The following EFNA5 variants were observed in gnomAD, a reference collection of about 807,000 sequenced individuals.
The protein encoded by EFNA5 is ephrin-A5.
EFNA5 carries 5 observed loss-of-function variants against 22.9 expected under a neutral mutation model. That is an observed-to-expected ratio of 0.22 (90% CI 0.11 to 0.46). EFNA5 has a LOEUF of 0.46. EFNA5 is among the 20% of genes least tolerant of loss of function. EFNA5 has a pLI of 0.99. For synonymous variants in EFNA5, 113 were observed against 112.2 expected (o/e 1.01, Z -0.04); for missense variants, 237 against 293.3 (o/e 0.81, Z 1.40).
chr5:107,651,348 AG>A (rs1561460486), intron 1 of EFNA5, among the ~76,000 whole-genome samples: 2 of 152,168 alleles, frequency 1.3e-5, no homozygotes. Context: ...AATAAATGGG[AG>A]CTATTCAAGT....
intron 1 of EFNA5, among the ~76,000 whole-genome samples, chr5:107,639,439 C>A (rs887968405): frequency 6.6e-6 from 1 of 152,194 alleles, no homozygotes; most frequent in African/African-American, 2.4e-5. Context: ...TCTCTCAATG[C>A]CTTGGTATCC....
At chr5:107,597,734 GA>G (rs1190299966) in intron 1 of EFNA5, among the ~76,000 whole-genome samples, 1 of 152,088 alleles carries the variant, frequency 6.6e-6, no homozygotes, top group African/African-American at 2.4e-5. Flanking sequence ...ATAACAAGAT[GA>G]ATTTCAACAG....
chr5:107,655,724 G>A (rs1222991998), intron 1 of EFNA5, among the ~76,000 whole-genome samples: 2 of 152,094 alleles, frequency 1.3e-5, no homozygotes, highest in Non-Finnish European at 2.9e-5. Flanking sequence ...TATAAACATA[G>A]GAAGTAAAAT....
intron 2 of EFNA5, among the ~76,000 whole-genome samples, chr5:107,392,915 G>A (rs1026329263): frequency 6.6e-6 from 1 of 152,236 alleles, no homozygotes; most frequent in African/African-American, 2.4e-5. Context: ...ATAAGCTGCT[G>A]TTGAAGAAAT....
chr5:107,570,684 ATAG>A (rs1165918242), intron 1 of EFNA5, among the ~76,000 whole-genome samples: 1 of 152,130 alleles, frequency 6.6e-6, no homozygotes, highest in African/African-American at 2.4e-5. Flanking sequence ...AATGATTCTA[ATAG>A]TAGAAAAAGA....
At chr5:107,517,322 G>C (rs1334372236) in intron 1 of EFNA5, among the ~76,000 whole-genome samples, 1 of 152,164 alleles carries the variant, frequency 6.6e-6, no homozygotes, top group Non-Finnish European at 1.5e-5. Flanking sequence ...TGGTGACTCA[G>C]GAGAGGGTTA....
At chr5:107,591,009 T>C (rs1189238856) in intron 1 of EFNA5, among the ~76,000 whole-genome samples, 1 of 152,162 alleles carries the variant, frequency 6.6e-6, no homozygotes, top group Non-Finnish European at 1.5e-5. Flanking sequence ...GTACATATTT[T>C]ACTACCATCT....
intron 1 of EFNA5, among the ~76,000 whole-genome samples, chr5:107,487,108 A>G (rs1020561752): frequency 3.4e-4 from 51 of 152,070 alleles, no homozygotes; most frequent in African/African-American, 1.0e-3. Flanking sequence ...CTGTTTCCCA[A>G]TGTTATTTTT....
At chr5:107,494,482 G>C (rs1746913668) in intron 1 of EFNA5, among the ~76,000 whole-genome samples, 1 of 152,222 alleles carries the variant, frequency 6.6e-6, no homozygotes, top group Non-Finnish European at 1.5e-5. Flanking sequence ...GCCTTCCCGT[G>C]GGGCTGGGCT....
At chr5:107,625,233 T>C (rs529681384) in intron 1 of EFNA5, among the ~76,000 whole-genome samples, 35 of 152,292 alleles carry the variant, frequency 2.3e-4, no homozygotes, top group Admixed American at 1.2e-3. Context: ...GAAAATTTCA[T>C]TGGCTGTTTT....
At chr5:107,525,842 T>C (rs1174771493) in intron 1 of EFNA5, among the ~76,000 whole-genome samples, 2 of 152,248 alleles carry the variant, frequency 1.3e-5, no homozygotes, top group South Asian at 4.2e-4. Context: ...AAAATCCATG[T>C]GTAAATGAAT....
At chr5:107,482,838 C>G (rs879702721) in intron 1 of EFNA5, among the ~76,000 whole-genome samples, 15 of 76,548 alleles carry the variant, frequency 2.0e-4, no homozygotes, top group Middle Eastern at 5.6e-3. Context: ...CTCTGTCTCT[C>G]TCTCTCTCTC....
chr5:107,392,245 C>T lies in EFNA5; in HGVS notation c.419-4474G>A, dbSNP rs752345480. On this transcript the variant is annotated intron_variant, in intron 2 of 4. Coordinates refer to ENST00000333274, the MANE Select transcript of EFNA5 (RefSeq NM_001962.3). ...TGTATAATCCCCTCCCCTTGAGAGG[C>T]GACTGAACCTATTAACTTGCTTCTA... is the stretch of plus-strand genomic sequence containing the variant. Among the ~76,000 whole-genome samples the T allele has an allele frequency of 2.2e-4, 34 of 152,070 alleles. 1 individual carries two copies. Among genetic ancestry groups the T allele is most frequent in the African/African-American group, 6.8e-4 (28 of 41,410 alleles).
Position 107,657,858 on chromosome 5 carries a change from TAAAAACA to T in EFNA5, c.125+12624_125+12630del, listed in dbSNP as rs139309227. ...TTTATATACACAGAGTGAAGATCAG[TAAAAACA>T]AAAAACAAAAAACGCAGAGTAATCT... On this transcript the variant is annotated intron_variant, in intron 1 of 4. Transcript: ENST00000333274. 9.3e-3 allele frequency among the ~76,000 whole-genome samples: 1,414 copies of T among 152,184 alleles called. 29 individuals carry two copies. Among genetic ancestry groups the T allele is most frequent in the African/African-American group, 0.032 (1,317 of 41,546 alleles).
intron 1 of EFNA5, among the ~76,000 whole-genome samples, chr5:107,561,901 G>T (rs1328757788): frequency 6.6e-6 from 1 of 151,772 alleles, no homozygotes; most frequent in Non-Finnish European, 1.5e-5. Flanking sequence ...TGAAGTAAGT[G>T]AATATATAAA....
intron 1 of EFNA5, among the ~76,000 whole-genome samples, chr5:107,491,788 A>G (rs1746812945): frequency 6.6e-6 from 1 of 152,184 alleles, no homozygotes; most frequent in Non-Finnish European, 1.5e-5. Flanking sequence ...ATAGCTTTTA[A>G]GTTTTGTATC....
chr5:107,407,876 T>C (rs1306907766), intron 2 of EFNA5, among the ~76,000 whole-genome samples: 1 of 152,198 alleles, frequency 6.6e-6, no homozygotes, highest in Non-Finnish European at 1.5e-5. Context: ...ATAGTTATGA[T>C]TTATTTTTTC....
chr5:107,493,843 T>A (rs1313388427), intron 1 of EFNA5, among the ~76,000 whole-genome samples: 1 of 152,144 alleles, frequency 6.6e-6, no homozygotes, highest in African/African-American at 2.4e-5. Context: ...AACAAACCTA[T>A]AAGGTTTATA....
At chr5:107,435,644 A>C (rs1749092611) in intron 1 of EFNA5, among the ~76,000 whole-genome samples, 1 of 152,206 alleles carries the variant, frequency 6.6e-6, no homozygotes, top group Admixed American at 6.5e-5. Flanking sequence ...CAGGCTTTAG[A>C]ACATGCTAAA....
Sources: gnomAD v4.1 joint callset for allele counts (sites outside exome capture counted in the v4.1 genomes callset) on GRCh38, gnomAD v4.1.1 for gene constraint, MANE v1.5 for transcripts, NCBI Gene and HGNC (gene_info 2026-07-23, HGNC 2026-07-21) for gene names.